The following RANBP2 variants were observed in gnomAD, a reference collection of about 807,000 sequenced individuals.
RANBP2 encodes RAN binding protein 2.
Under a neutral mutation model 303.6 loss-of-function variants are expected in RANBP2, and 57 were observed. That is an observed-to-expected ratio of 0.19 (90% CI 0.15 to 0.23). RANBP2 has a LOEUF of 0.23. Ranked by LOEUF, RANBP2 falls within the 10% of genes least tolerant of loss-of-function variation. The pLI is 1.00. For missense variants in RANBP2, 3,138 were observed against 3,780.8 expected (o/e 0.83, Z 4.46); for synonymous variants, 1,167 against 1,301.5 (o/e 0.90, Z 2.23).
chr2:109,452,092 C>G, the RANBP2 span, among the ~76,000 whole-genome samples: 1 of 152,216 alleles, frequency 6.6e-6, no homozygotes. Flanking sequence ...CATCTGTGTT[C>G]CCACTTGAAT....
the RANBP2 span, among the ~76,000 whole-genome samples, chr2:109,391,155 C>G: frequency 1.4e-4 from 21 of 152,368 alleles, no homozygotes; most frequent in African/African-American, 5.1e-4. Context: ...TTCCAAAAGC[C>G]TTGCCTGTAC....
chr2:109,472,849 C>T, the RANBP2 span, among the ~76,000 whole-genome samples: 26 of 152,288 alleles, frequency 1.7e-4, no homozygotes, highest in African/African-American at 6.0e-4. Context: ...TGGACAGGGT[C>T]GTGACACACT....
the RANBP2 span, chr2:109,502,403 G>A: frequency 6.6e-6 from 1 of 152,158 alleles, no homozygotes; most frequent in Non-Finnish European, 1.5e-5. Flanking sequence ...TCATACATCT[G>A]GTGCTGCCTT....
At chr2:108,773,841 G>A (rs574806094) in intron 23 of RANBP2, among the ~76,000 whole-genome samples, 1 of 152,104 alleles carries the variant, frequency 6.6e-6, no homozygotes. Context: ...TAGAGACAGG[G>A]TTTCACCATG....
chr2:109,706,931 G>A, the RANBP2 span, among the ~76,000 whole-genome samples: 6 of 152,128 alleles, frequency 3.9e-5, no homozygotes, highest in African/African-American at 1.4e-4. Context: ...TTCCACCGAG[G>A]GAGGTGTGCC....
the RANBP2 span, among the ~76,000 whole-genome samples, chr2:109,301,315 C>T: frequency 2.1e-5 from 3 of 139,724 alleles, no homozygotes; most frequent in Admixed American, 7.2e-5. Context: ...TGGTGGGGGG[C>T]GGGCTGTGTA....
At chr2:109,677,263 T>C in the RANBP2 span, among the ~76,000 whole-genome samples, 4 of 152,120 alleles carry the variant, frequency 2.6e-5, no homozygotes, top group African/African-American at 9.7e-5. Context: ...CAGACCTGGA[T>C]AGGACCCATT....
chr2:108,924,298 G>A, the RANBP2 span, among the ~76,000 whole-genome samples: 28 of 152,300 alleles, frequency 1.8e-4, no homozygotes, highest in African/African-American at 5.5e-4. Context: ...CAGCCGTCCC[G>A]CTCCCAGGCA....
chr2:108,803,095 G>A, the RANBP2 span, among the ~76,000 whole-genome samples: 1 of 152,174 alleles, frequency 6.6e-6, no homozygotes, highest in African/African-American at 2.4e-5. Context: ...ATTTCTCAAA[G>A]CTTTTGCTAT....
At chr2:109,194,317 T>G in the RANBP2 span, among the ~76,000 whole-genome samples, 1 of 152,224 alleles carries the variant, frequency 6.6e-6, no homozygotes, top group Admixed American at 6.5e-5. Context: ...TTTCGAAAGC[T>G]TGGGCTGCGG....
the RANBP2 span, among the ~76,000 whole-genome samples, chr2:109,187,259 C>T: frequency 3.2e-4 from 49 of 152,234 alleles, no homozygotes; most frequent in Admixed American, 9.8e-4. Context: ...TATAATTGCA[C>T]AATTTAAAAA....
At chr2:109,529,111 T>C in the RANBP2 span, among the ~76,000 whole-genome samples, 1 of 152,156 alleles carries the variant, frequency 6.6e-6, no homozygotes, top group African/African-American at 2.4e-5. Flanking sequence ...AGGCACCCGG[T>C]GGCTGCAGGC....
At chr2:109,692,594 G>A in the RANBP2 span, among the ~76,000 whole-genome samples, 53 of 152,254 alleles carry the variant, frequency 3.5e-4, 1 homozygote, top group Non-Finnish European at 6.3e-4. Flanking sequence ...GGCCGAGGCC[G>A]TGTGGGAGAA....
At chr2:109,347,685 G>C in the RANBP2 span, 1 of 1,613,494 alleles carries the variant, frequency 6.2e-7, no homozygotes, top group Non-Finnish European at 8.5e-7. Flanking sequence ...ATCCCTGCCT[G>C]CTTCCCTATG....
the RANBP2 span, among the ~76,000 whole-genome samples, chr2:109,279,966 AAC>A: frequency 8.6e-5 from 13 of 151,924 alleles, no homozygotes; most frequent in African/African-American, 2.4e-4. Context: ...GGGCCCCAAA[AAC>A]ACACCCCCTG....
the RANBP2 span, among the ~76,000 whole-genome samples, chr2:109,241,450 T>C: frequency 6.6e-6 from 1 of 152,152 alleles, no homozygotes; most frequent in African/African-American, 2.4e-5. Context: ...ACTTTAGGAA[T>C]GTCCTTTTTT....
the RANBP2 span, among the ~76,000 whole-genome samples, chr2:109,376,818 A>G: frequency 6.6e-6 from 1 of 152,236 alleles, no homozygotes; most frequent in Non-Finnish European, 1.5e-5. Context: ...AGAGACAGCC[A>G]GCATCTCAGC....
the RANBP2 span, among the ~76,000 whole-genome samples, chr2:109,556,744 GAT>G: frequency 1.3e-5 from 2 of 151,828 alleles, no homozygotes; most frequent in African/African-American, 4.8e-5. Context: ...CAACATGACT[GAT>G]AGTCTTTAAA....
At chr2:108,800,263 TTTG>T in the RANBP2 span, among the ~76,000 whole-genome samples, 1 of 152,130 alleles carries the variant, frequency 6.6e-6, no homozygotes, top group South Asian at 2.1e-4. Flanking sequence ...CCTCACTTTT[TTTG>T]TTGTTGTTGT....
Sources: allele counts gnomAD v4.1 joint callset (sites outside exome capture counted in the v4.1 genomes callset), GRCh38; gene constraint gnomAD v4.1.1; transcripts MANE v1.5; gene names NCBI Gene and HGNC (gene_info 2026-07-23, HGNC 2026-07-21).